Variants in ERBB4 observed in about 807,000 individuals in gnomAD.
ERBB4 encodes receptor tyrosine-protein kinase erbB-4.
ERBB4 carries 42 observed loss-of-function variants against 158.0 expected under a neutral mutation model. The observed-to-expected ratio is 0.27, with a 90% CI of 0.21 to 0.34. ERBB4 has a LOEUF of 0.34. Among genes scored for constraint, ERBB4 ranks in the 10% least tolerant of loss-of-function variants. ERBB4 has a pLI of 1.00. For synonymous variants in ERBB4, 583 were observed against 558.7 expected, an observed-to-expected ratio of 1.04 and a Z score of -0.61; for missense variants, 1,333 against 1,624.1, an observed-to-expected ratio of 0.82 and a Z score of 3.08.
chr2:212,469,814 A>G (rs1268189457), intron 1 of ERBB4, among the ~76,000 whole-genome samples: 4 of 152,080 alleles, frequency 2.6e-5, no homozygotes, highest in Non-Finnish European at 2.9e-5. Context: ...ACAATTTCCA[A>G]CACTACAATG....
At chr2:211,793,355 G>T (rs114260853) in intron 3 of ERBB4, among the ~76,000 whole-genome samples, 11 of 151,728 alleles carry the variant, frequency 7.2e-5, no homozygotes, top group Non-Finnish European at 1.5e-4. Flanking sequence ...TTTTGCAGGG[G>T]TGCATCTACA....
chr2:212,538,365 T>G, intron 1 of ERBB4, 84 bp downstream of exon 1: 5 of 1,193,524 alleles, frequency 4.2e-6, no homozygotes, highest in Non-Finnish European at 6.3e-6. Flanking sequence ...CCTCCCGGGA[T>G]GGGTGAAGAG....
chr2:212,221,127 G>T (rs997532128), intron 1 of ERBB4, among the ~76,000 whole-genome samples: 6 of 151,236 alleles, frequency 4.0e-5, no homozygotes, highest in Non-Finnish European at 8.9e-5. Flanking sequence ...TTTTTGAGTG[G>T]CAGTCTCCAG....
At chr2:211,824,559 C>G (rs997366309) in intron 3 of ERBB4, among the ~76,000 whole-genome samples, 2 of 151,944 alleles carry the variant, frequency 1.3e-5, no homozygotes, top group Admixed American at 6.6e-5. Flanking sequence ...CTGAGAAAAA[C>G]GAAATGCTAC....
chr2:211,888,674 G>A (rs1366830857), intron 3 of ERBB4, among the ~76,000 whole-genome samples: 3 of 152,180 alleles, frequency 2.0e-5, no homozygotes, highest in South Asian at 2.1e-4. Context: ...GACAGTGGGC[G>A]CAGGCCAGTG....
At chr2:211,894,812 G>A (rs1295035644) in intron 3 of ERBB4, among the ~76,000 whole-genome samples, 3 of 152,076 alleles carry the variant, frequency 2.0e-5, no homozygotes, top group Non-Finnish European at 4.4e-5. Flanking sequence ...GGGAAAAGGT[G>A]TATTTGATAA....
intron 16 of ERBB4, among the ~76,000 whole-genome samples, chr2:211,639,436 G>C (rs1381121097): frequency 2.0e-5 from 3 of 152,170 alleles, no homozygotes; most frequent in Non-Finnish European, 4.4e-5. Flanking sequence ...TTTCATAATA[G>C]AGCAGAAAGT....
Position 212,495,616 on chromosome 2 carries a change from G to A in ERBB4, c.82+42833C>T, listed in dbSNP as rs980104428. ...AATAGAAATGTACCTGGCGAGGCAC[G>A]TGCTATGTCTCACCTGACAGCATTT... is the stretch of plus-strand genomic sequence containing the variant. On this transcript the variant is annotated intron_variant, in intron 1 of 27. Coordinates refer to ENST00000342788, the MANE Select transcript of ERBB4 (RefSeq NM_005235.3). Among the ~76,000 whole-genome samples, 8 of 152,230 alleles carry A rather than the reference G, an allele frequency of 5.3e-5. No individual in the cohort carries two copies. The East Asian group carries it at 9.6e-4, about 18-fold the overall frequency.
chr2:211,724,415 T>A (rs796866667), intron 6 of ERBB4, among the ~76,000 whole-genome samples: 98 of 151,870 alleles, frequency 6.5e-4, no homozygotes, highest in African/African-American at 2.2e-3. Context: ...GAGAAAAAAA[T>A]TTCTGTGTTC....
intron 2 of ERBB4, among the ~76,000 whole-genome samples, chr2:212,068,347 A>G (rs943489307): frequency 1.3e-5 from 2 of 152,008 alleles, no homozygotes; most frequent in Non-Finnish European, 2.9e-5. Context: ...ATCATAGGAG[A>G]CCATTGTTTT....
At chr2:211,658,380 T>TAA (rs140947685) in intron 15 of ERBB4, among the ~76,000 whole-genome samples, 1 of 151,156 alleles carries the variant, frequency 6.6e-6, no homozygotes, top group Non-Finnish European at 1.5e-5. Flanking sequence ...TAAGTTTAAA[T>TAA]AAAAAAAAAA....
chr2:211,781,690 G>T (rs972086521), intron 4 of ERBB4, among the ~76,000 whole-genome samples: 3 of 151,862 alleles, frequency 2.0e-5, no homozygotes, highest in African/African-American at 4.8e-5. Context: ...TAATTGCAAG[G>T]TCCTTTATTC....
intron 1 of ERBB4, among the ~76,000 whole-genome samples, chr2:212,376,406 G>C: frequency 6.6e-6 from 1 of 151,972 alleles, no homozygotes; most frequent in East Asian, 1.9e-4. Flanking sequence ...CTTTCCGGAA[G>C]GCATTTTGCT....
At chr2:211,777,039 T>C (rs1466800269) in intron 4 of ERBB4, among the ~76,000 whole-genome samples, 2 of 152,132 alleles carry the variant, frequency 1.3e-5, no homozygotes, top group African/African-American at 4.8e-5. Flanking sequence ...TACATTTACC[T>C]AGGTTGATGG....
chr2:211,762,938 C>A (rs1234897236), intron 4 of ERBB4, among the ~76,000 whole-genome samples: 1 of 152,094 alleles, frequency 6.6e-6, no homozygotes, highest in African/African-American at 2.4e-5. Context: ...TGGACTAAAC[C>A]ATTCTCCTCA....
chr2:211,714,253 A>C (rs13032114), intron 7 of ERBB4, among the ~76,000 whole-genome samples: 101,045 of 152,100 alleles, frequency 0.66, 34,488 homozygotes, highest in African/African-American at 0.81. Flanking sequence ...GTCCAGTGAC[A>C]TGGGATATGC....
At chr2:211,685,732 T>G (rs1447746869) in intron 12 of ERBB4, among the ~76,000 whole-genome samples, 1 of 152,200 alleles carries the variant, frequency 6.6e-6, no homozygotes, top group East Asian at 1.9e-4. Flanking sequence ...CTTTATGATT[T>G]TGAGCTATTC....
At chr2:211,423,185 C>T (rs544680552) in intron 23 of ERBB4, among the ~76,000 whole-genome samples, 4 of 152,030 alleles carry the variant, frequency 2.6e-5, no homozygotes, top group African/African-American at 7.2e-5. Flanking sequence ...GTTGAGGTAT[C>T]GGTTTCTTTC....
chr2:211,634,831 C>T (rs1360121677), intron 16 of ERBB4, among the ~76,000 whole-genome samples: 1 of 152,150 alleles, frequency 6.6e-6, no homozygotes, highest in Non-Finnish European at 1.5e-5. Context: ...GTGACTGCCA[C>T]CATGCCCAAT....
Sources: allele counts gnomAD v4.1 joint callset (sites outside exome capture counted in the v4.1 genomes callset), GRCh38; gene constraint gnomAD v4.1.1; transcripts MANE v1.5; gene names NCBI Gene and HGNC (gene_info 2026-07-23, HGNC 2026-07-21).